The following RANBP2 variants were observed in gnomAD, a reference collection of about 807,000 sequenced individuals.
The protein encoded by RANBP2 is RAN binding protein 2.
A neutral mutation model predicts 303.6 loss-of-function variants in RANBP2; 57 were observed. That is an observed-to-expected ratio of 0.19 (90% CI 0.15 to 0.23). The LOEUF (loss-of-function observed/expected upper bound fraction) is 0.23. Ranked by LOEUF, RANBP2 falls within the 10% of genes least tolerant of loss-of-function variation. The pLI, the probability that RANBP2 is intolerant of heterozygous loss-of-function variation, is 1.00. For synonymous variants in RANBP2, 1,167 were observed against 1,301.5 expected (o/e 0.90, Z 2.23); for missense variants, 3,138 against 3,780.8 (o/e 0.83, Z 4.46).
chr2:109,609,492 T>C, the RANBP2 span, among the ~76,000 whole-genome samples: 1 of 151,916 alleles, frequency 6.6e-6, no homozygotes, highest in Non-Finnish European at 1.5e-5. Flanking sequence ...AGAAGCAGCC[T>C]GGCTGCCAGG....
chr2:109,404,498 G>A, the RANBP2 span, among the ~76,000 whole-genome samples: 1 of 152,150 alleles, frequency 6.6e-6, no homozygotes, highest in East Asian at 1.9e-4. Flanking sequence ...GGGGAGTGGG[G>A]CCTAGACGGA....
the RANBP2 span, among the ~76,000 whole-genome samples, chr2:109,493,700 CCATA>C: frequency 7.9e-5 from 12 of 151,900 alleles, no homozygotes; most frequent in South Asian, 1.0e-3. Flanking sequence ...ACACCACACA[CCATA>C]CATACACACC....
the RANBP2 span, among the ~76,000 whole-genome samples, chr2:109,060,476 G>A: frequency 2.0e-5 from 3 of 152,272 alleles, no homozygotes; most frequent in South Asian, 4.1e-4. Flanking sequence ...GAGAGAATCA[G>A]GACCATCATA....
chr2:109,082,566 T>A, the RANBP2 span, among the ~76,000 whole-genome samples: 1 of 152,142 alleles, frequency 6.6e-6, no homozygotes, highest in Non-Finnish European at 1.5e-5. Flanking sequence ...CCCAAAGTGC[T>A]GGGATTACAG....
intron 7 of RANBP2, among the ~76,000 whole-genome samples, chr2:108,744,249 C>G (rs369593460): frequency 1.2e-4 from 19 of 152,022 alleles, no homozygotes; most frequent in East Asian, 1.9e-4. Context: ...ACTAAAAATA[C>G]AAAAATTAGC....
chr2:108,812,458 A>G, the RANBP2 span: 1 of 154,698 alleles, frequency 6.5e-6, no homozygotes, highest in Admixed American at 6.5e-5. Context: ...AACCATTAAT[A>G]TTTTAGGGAA....
the RANBP2 span, among the ~76,000 whole-genome samples, chr2:109,089,866 G>C: frequency 1.3e-5 from 2 of 152,102 alleles, no homozygotes; most frequent in Non-Finnish European, 2.9e-5. Flanking sequence ...ACTGTCTATG[G>C]GACTACTGGG....
the RANBP2 span, chr2:109,568,015 T>A: frequency 9.8e-6 from 14 of 1,433,616 alleles, no homozygotes; most frequent in Non-Finnish European, 1.3e-5. Context: ...TACTGAGGAT[T>A]TTTTTTTTTA....
the RANBP2 span, among the ~76,000 whole-genome samples, chr2:109,348,919 C>A: frequency 1.6e-4 from 24 of 152,210 alleles, no homozygotes; most frequent in Admixed American, 5.9e-4. Context: ...ACAGGGAATT[C>A]TTCCCTTATG....
chr2:109,063,631 G>A, the RANBP2 span, among the ~76,000 whole-genome samples: 12 of 152,126 alleles, frequency 7.9e-5, no homozygotes, highest in Non-Finnish European at 1.8e-4. Flanking sequence ...GCAGGCACCT[G>A]GGTACACACA....
the RANBP2 span, among the ~76,000 whole-genome samples, chr2:109,720,128 A>C: frequency 6.6e-6 from 1 of 152,176 alleles, no homozygotes; most frequent in Non-Finnish European, 1.5e-5. Context: ...TACTGACTTC[A>C]GAAACTTTTG....
the RANBP2 span, among the ~76,000 whole-genome samples, chr2:109,619,362 C>T: frequency 6.6e-6 from 1 of 152,204 alleles, no homozygotes; most frequent in East Asian, 1.9e-4. Context: ...GGGTTTTGCA[C>T]ACACCATCTG....
At chr2:108,851,947 A>G in the RANBP2 span, among the ~76,000 whole-genome samples, 1 of 152,156 alleles carries the variant, frequency 6.6e-6, no homozygotes, top group African/African-American at 2.4e-5. Flanking sequence ...AAACGATACA[A>G]TCTGCATTTG....
At chr2:109,515,918 C>T in the RANBP2 span, among the ~76,000 whole-genome samples, 1 of 152,190 alleles carries the variant, frequency 6.6e-6, no homozygotes, top group Non-Finnish European at 1.5e-5. Context: ...ACGACCCAAA[C>T]ACCGCCTGCC....
chr2:109,613,865 C>T, the RANBP2 span: 1 of 1,231,704 alleles, frequency 8.1e-7, no homozygotes, highest in African/African-American at 1.6e-5. Flanking sequence ...GCTGTATCAG[C>T]CCGGCCCCGA....
chr2:109,721,835 C>T, the RANBP2 span, among the ~76,000 whole-genome samples: 4 of 152,302 alleles, frequency 2.6e-5, no homozygotes, highest in South Asian at 4.1e-4. Context: ...GTCTCCTGAG[C>T]GAGCAGCCAC....
chr2:108,787,081 G>T (rs1248766962), downstream of RANBP2, among the ~76,000 whole-genome samples: 1 of 152,076 alleles, frequency 6.6e-6, no homozygotes, highest in Non-Finnish European at 1.5e-5. Flanking sequence ...GGAGGGGCGG[G>T]CGTTGCGCTG....
the RANBP2 span, among the ~76,000 whole-genome samples, chr2:109,228,208 G>T: frequency 1.3e-5 from 2 of 152,096 alleles, no homozygotes; most frequent in Non-Finnish European, 2.9e-5. Context: ...AATTCAATCG[G>T]CAGCCCTCCT....
chr2:108,800,543 G>A, the RANBP2 span, among the ~76,000 whole-genome samples: 1 of 150,770 alleles, frequency 6.6e-6, no homozygotes, highest in Non-Finnish European at 1.5e-5. Flanking sequence ...GGGATCACAG[G>A]CGTGCCTGGC....
Sources: gnomAD v4.1 joint callset for allele counts (sites outside exome capture counted in the v4.1 genomes callset) on GRCh38, gnomAD v4.1.1 for gene constraint, MANE v1.5 for transcripts, NCBI Gene and HGNC (gene_info 2026-07-23, HGNC 2026-07-21) for gene names.